The following BCL2 variants were observed in gnomAD, a reference collection of about 807,000 sequenced individuals.
The protein encoded by BCL2 is BCL2 apoptosis regulator.
In BCL2, 1 loss-of-function variant was observed where a neutral mutation model predicts 14.2. The observed-to-expected ratio is 0.07, with a 90% CI of 0.02 to 0.33. BCL2 has a LOEUF of 0.33. Among genes scored for constraint, BCL2 ranks in the 10% least tolerant of loss-of-function variants. The pLI is 0.99. For synonymous variants in BCL2, 151 were observed against 137.2 expected, an observed-to-expected ratio of 1.10 and a Z score of -0.70; for missense variants, 247 against 305.9, an observed-to-expected ratio of 0.81 and a Z score of 1.44.
chr18:63,267,816 T>C (rs1911877183), intron 2 of BCL2, among the ~76,000 whole-genome samples: 1 of 152,166 alleles, frequency 6.6e-6, no homozygotes, highest in Non-Finnish European at 1.5e-5. Context: ...TGCAGGTAAA[T>C]CCCTGCTCTC....
At chr18:63,158,035 C>T (rs1001374583) in intron 2 of BCL2, among the ~76,000 whole-genome samples, 3 of 151,920 alleles carry the variant, frequency 2.0e-5, no homozygotes, top group African/African-American at 7.3e-5. Context: ...CAGCTCAAGA[C>T]ATTTCATAAG....
At chr18:63,304,738 C>G (rs74957309) in intron 2 of BCL2, among the ~76,000 whole-genome samples, 1 of 152,032 alleles carries the variant, frequency 6.6e-6, no homozygotes, top group African/African-American at 2.4e-5. Context: ...TGGTCCAATG[C>G]GGCATTTTCT....
intron 2 of BCL2, among the ~76,000 whole-genome samples, chr18:63,167,933 A>T (rs57252843): frequency 0.012 from 1,847 of 151,910 alleles, 29 homozygotes; most frequent in African/African-American, 0.041. Flanking sequence ...CTCAAAAAAA[A>T]AAAAAAATAA....
At chr18:63,214,108 C>G (rs1249069701) in intron 2 of BCL2, among the ~76,000 whole-genome samples, 1 of 152,082 alleles carries the variant, frequency 6.6e-6, no homozygotes, top group Non-Finnish European at 1.5e-5. Context: ...GATGCCCAAG[C>G]CTTTTTGTGA....
intron 2 of BCL2, among the ~76,000 whole-genome samples, chr18:63,157,927 C>T (rs770511777): frequency 1.3e-5 from 2 of 152,172 alleles, no homozygotes; most frequent in African/African-American, 2.4e-5. Flanking sequence ...TGTACCCAAA[C>T]ATTCTTTTTC....
rs111577840 is a variant in BCL2 at position 63,197,139 on chromosome 18, T to C, written c.586-68380A>G. Among the ~76,000 whole-genome samples, 127 of 152,350 alleles carry C rather than the reference T, an allele frequency of 8.3e-4. 1 individual carries two copies. The highest frequency in any genetic ancestry group is 1.6e-3 in the Admixed American group (24 of 15,298). ...AAGAAAGTTATGGCTTGTTGACATG[T>C]GGCTGCCAAACACACATGGGTGGAA... On this transcript the variant is annotated intron_variant, in intron 2 of 2. Coordinates refer to ENST00000333681, the MANE Select transcript of BCL2 (RefSeq NM_000633.3).
chr18:63,302,979 T>A, intron 2 of BCL2: 1 of 630,508 alleles, frequency 1.6e-6, no homozygotes, highest in Non-Finnish European at 2.0e-6. Context: ...TTAAGTAGAA[T>A]AAAATGTACA....
intron 2 of BCL2, among the ~76,000 whole-genome samples, chr18:63,166,980 T>C (rs140217965): frequency 1.7e-4 from 26 of 152,354 alleles, no homozygotes; most frequent in Non-Finnish European, 1.0e-4. Context: ...TATGGTCGCA[T>C]GCTCCAGCCA....
chr18:63,193,613 T>TAC (rs753621886), intron 2 of BCL2, among the ~76,000 whole-genome samples: 1,591 of 148,070 alleles, frequency 0.011, 27 homozygotes, highest in African/African-American at 0.036. Flanking sequence ...TGTGTGTGTA[T>TAC]ACACACACAC....
chr18:63,185,328 C>T (rs112105210), intron 2 of BCL2, among the ~76,000 whole-genome samples: 5 of 152,198 alleles, frequency 3.3e-5, no homozygotes, highest in East Asian at 1.9e-4. Flanking sequence ...TGGGTTCTAA[C>T]GTCTGACTAT....
chr18:63,241,478 T>A (rs534166999), intron 2 of BCL2, among the ~76,000 whole-genome samples: 1 of 152,192 alleles, frequency 6.6e-6, no homozygotes, highest in Admixed American at 6.5e-5. Context: ...ATGACTGAGA[T>A]AACTTGATAT....
chr18:63,287,051 GC>G (rs1912494608), intron 2 of BCL2, among the ~76,000 whole-genome samples: 1 of 152,108 alleles, frequency 6.6e-6, no homozygotes. Context: ...GCTTCTTGTG[GC>G]AGTTGTTCTC....
At chr18:63,283,277 T>G (rs1289927464) in intron 2 of BCL2, among the ~76,000 whole-genome samples, 1 of 152,236 alleles carries the variant, frequency 6.6e-6, no homozygotes, top group Non-Finnish European at 1.5e-5. Flanking sequence ...CTCTCAGAAT[T>G]AAAAACATTC....
chr18:63,209,242 G>A (rs751819540), intron 2 of BCL2, among the ~76,000 whole-genome samples: 2 of 152,148 alleles, frequency 1.3e-5, no homozygotes, highest in East Asian at 3.8e-4. Flanking sequence ...TCGAGGGGCC[G>A]TGACTCTCTG....
intron 2 of BCL2, among the ~76,000 whole-genome samples, chr18:63,253,468 A>G (rs922138340): frequency 6.6e-6 from 1 of 152,240 alleles, no homozygotes; most frequent in Admixed American, 6.5e-5. Context: ...TCCTACCACT[A>G]TATCACATTG....
At chr18:63,287,174 G>C (rs774367771) in intron 2 of BCL2, among the ~76,000 whole-genome samples, 1 of 152,018 alleles carries the variant, frequency 6.6e-6, no homozygotes, top group Non-Finnish European at 1.5e-5. Flanking sequence ...TCTCTGATCT[G>C]CCCATCAGTT....
intron 2 of BCL2, among the ~76,000 whole-genome samples, chr18:63,251,357 C>A (rs1354110817): frequency 6.6e-6 from 1 of 152,074 alleles, no homozygotes. Context: ...CAAAGTCAAC[C>A]ATGACTGTGT....
At chr18:63,289,612 T>TA (rs1007715545) in intron 2 of BCL2, among the ~76,000 whole-genome samples, 15 of 150,912 alleles carry the variant, frequency 9.9e-5, no homozygotes, top group South Asian at 2.1e-4. Context: ...AGCCTTAAAA[T>TA]AAAAAAAAGG....
chr18:63,243,481 TAACA>T (rs1316922870), intron 2 of BCL2, among the ~76,000 whole-genome samples: 1 of 152,174 alleles, frequency 6.6e-6, no homozygotes, highest in Non-Finnish European at 1.5e-5. Context: ...TTTATCTGTG[TAACA>T]AACCTGCACA....
Sources: allele counts gnomAD v4.1 joint callset (sites outside exome capture counted in the v4.1 genomes callset), GRCh38; gene constraint gnomAD v4.1.1; transcripts MANE v1.5; gene names NCBI Gene and HGNC (gene_info 2026-07-23, HGNC 2026-07-21).